The following BRI3 variants were observed in gnomAD, a reference collection of about 807,000 sequenced individuals.
BRI3 encodes membrane protein BRI3.
In BRI3, 6 loss-of-function variants were observed where a neutral mutation model predicts 12.8. The ratio of observed to expected loss-of-function variants is 0.47; its 90% CI spans 0.26 to 0.93. BRI3 has a LOEUF of 0.93. Among genes scored for constraint, BRI3 ranks in the 40% least tolerant of loss-of-function variants. The pLI is 0.15. For missense variants in BRI3, 134 were observed against 171.1 expected (o/e 0.78, Z 1.21); for synonymous variants, 91 against 76.1 (o/e 1.20, Z -1.02).
At chr7:98,292,880 A>G, downstream of BRI3, 2 of 1,438,912 alleles carry the variant, frequency 1.4e-6, no homozygotes. Context: ...CTCGGAGGAG[A>G]TTTCGTCGAG....
downstream of BRI3, chr7:98,292,704 A>G: frequency 6.4e-7 from 1 of 1,551,660 alleles, no homozygotes; most frequent in Non-Finnish European, 8.7e-7. Context: ...AAACACGGAG[A>G]AACCAGGACC....
At chr7:98,312,404 C>T, downstream of BRI3, 2 of 853,750 alleles carry the variant, frequency 2.3e-6, no homozygotes, top group South Asian at 1.8e-5. Context: ...ACTCGGTGAG[C>T]ACTTTAAGCA....
chr7:98,293,596 G>A (rs536655068), downstream of BRI3: 31 of 1,613,094 alleles, frequency 1.9e-5, no homozygotes, highest in East Asian at 1.1e-4. Flanking sequence ...GGTTTTCTCC[G>A]CTGCAGGGGA....
At chr7:98,291,574 G>A (rs1471463397), downstream of BRI3, 22 of 1,091,606 alleles carry the variant, frequency 2.0e-5, 1 homozygote, top group Non-Finnish European at 2.1e-5. Flanking sequence ...AGGAAAGACT[G>A]GAACGACACC....
At chr7:98,289,861 CGAT>C (rs1799843008) in intron 2 of BRI3, among the ~76,000 whole-genome samples, 1 of 152,142 alleles carries the variant, frequency 6.6e-6, no homozygotes. Flanking sequence ...CAGTTGGGTT[CGAT>C]GATGATTTCA....
downstream of BRI3, among the ~76,000 whole-genome samples, chr7:98,314,633 C>A (rs1010424608): frequency 6.6e-6 from 1 of 152,160 alleles, no homozygotes; most frequent in Non-Finnish European, 1.5e-5. Context: ...AAACCAGGAA[C>A]CAATACCACC....
chr7:98,296,337 T>C (rs569423617), downstream of BRI3, among the ~76,000 whole-genome samples: 77 of 152,318 alleles, frequency 5.1e-4, no homozygotes, highest in Admixed American at 1.2e-3. Flanking sequence ...CTTTAAAATA[T>C]GTATTGGGCC....
chr7:98,296,501 G>A (rs1037379390), downstream of BRI3, among the ~76,000 whole-genome samples: 1 of 151,982 alleles, frequency 6.6e-6, no homozygotes, highest in Non-Finnish European at 1.5e-5. Flanking sequence ...GGCGCACGCC[G>A]GTAATCCCAG....
At chr7:98,310,056 G>A in exon 2 of BRI3, 1 of 170,104 alleles carries the variant, frequency 5.9e-6, no homozygotes, top group Non-Finnish European at 1.2e-5. Flanking sequence ...TCATCATGTT[G>A]GCCAGGCTGG....
chr7:98,306,444 C>T (rs780179039), upstream of BRI3: 19 of 1,614,034 alleles, frequency 1.2e-5, no homozygotes, highest in East Asian at 3.1e-4. Context: ...GCTACCTTGG[C>T]GTGGGCACGG....
chr7:98,293,412 TA>T, downstream of BRI3: 1 of 998,516 alleles, frequency 1.0e-6, no homozygotes, highest in African/African-American at 1.6e-5. Context: ...ACATTAGAGT[TA>T]GGCCTCTCCA....
At chr7:98,293,023 T>C, downstream of BRI3, 1 of 1,007,600 alleles carries the variant, frequency 9.9e-7, no homozygotes, top group East Asian at 6.2e-5. Flanking sequence ...AAATTACATT[T>C]ATATAGTATT....
intron 2 of BRI3, among the ~76,000 whole-genome samples, chr7:98,290,803 G>A (rs1799909665): frequency 6.6e-6 from 1 of 152,254 alleles, no homozygotes; most frequent in African/African-American, 2.4e-5. Context: ...ACCCTGCCTT[G>A]CCTTTCAAGG....
In BRI3 at chr7:98,281,934, A is replaced by T; in HGVS notation, c.139A>T (p.Thr47Ser). Residue 47 changes from threonine (T) to serine (S), a missense_variant, in exon 1 of 3, where the codon ACA (threonine) becomes TCA (serine). Physicochemically the swap from Thr to Ser is moderately conservative, Grantham distance 58. Coordinates refer to ENST00000297290, the MANE Select transcript of BRI3 (RefSeq NM_015379.5). The part of the protein sequence containing the change: ...PPPPPYPYLV[T>S]GIPTHHPRVY... ...GCCGCCGCCCTACCCCTACCTCGTC[A>T]CAGGTGGGCCCGTAACCAACTTTCC... is the stretch of plus-strand genomic sequence containing the variant. 7.7e-7 allele frequency: 1 copy of T among 1,306,024 alleles called. No individual in the cohort carries two copies. Among genetic ancestry groups the T allele is most frequent in the Non-Finnish European group, 9.7e-7 (1 of 1,029,040 alleles). 80.9% of individuals were successfully genotyped at this position (1,306,024 alleles called of 1,614,324 possible). A position where few individuals can be genotyped will look rare whatever the true frequency, so the allele number is the denominator to read the frequency against.
upstream of BRI3, among the ~76,000 whole-genome samples, chr7:98,302,479 C>G (rs958905953): frequency 6.6e-6 from 1 of 152,238 alleles, no homozygotes; most frequent in African/African-American, 2.4e-5. Flanking sequence ...TGCCTCCTCA[C>G]TGGTGAAATG....
At chr7:98,288,334 C>T (rs577997394) in intron 2 of BRI3, among the ~76,000 whole-genome samples, 8 of 152,162 alleles carry the variant, frequency 5.3e-5, no homozygotes, top group African/African-American at 1.7e-4. Context: ...GCTGTGGCAC[C>T]TGGGGGAGAA....
chr7:98,284,161 A>G (rs912162886), intron 2 of BRI3, among the ~76,000 whole-genome samples: 3 of 152,026 alleles, frequency 2.0e-5, no homozygotes, highest in African/African-American at 7.2e-5. Context: ...GGGCAGCTGC[A>G]CCAGGCAGGG....
the BRI3 span, among the ~76,000 whole-genome samples, chr7:98,322,005 A>T: frequency 1.3e-5 from 2 of 152,090 alleles, no homozygotes; most frequent in African/African-American, 4.8e-5. Context: ...CTGAGGTGGG[A>T]GAACTGCTTG....
Position 98,281,952 on chromosome 7 carries a change from A to G in BRI3, c.142+15A>G, listed in dbSNP as rs1799531025. ...CCTCGTCACAGGTGGGCCCGTAACCAACTTTCCCCGCCGGCGGCTTCCGAG... is the reference window on the plus strand; with the variant it reads ...CCTCGTCACAGGTGGGCCCGTAACCGACTTTCCCCGCCGGCGGCTTCCGAG... On this transcript the variant is annotated intron_variant, in intron 1 of 2. Coordinates refer to ENST00000297290, the MANE Select transcript of BRI3 (RefSeq NM_015379.5). 7.8e-7 allele frequency: 1 copy of G among 1,288,588 alleles called. No individual in the cohort carries two copies. Among genetic ancestry groups the G allele is most frequent in the Non-Finnish European group, 9.8e-7 (1 of 1,019,328 alleles). The allele number at this position is 1,288,588 out of a possible 1,614,324, so 79.8% of individuals were successfully genotyped here.
Sources: gnomAD v4.1 joint callset for allele counts (sites outside exome capture counted in the v4.1 genomes callset) on GRCh38, gnomAD v4.1.1 for gene constraint, MANE v1.5 for transcripts, NCBI Gene and HGNC (gene_info 2026-07-23, HGNC 2026-07-21) for gene names.